N4BP2L2: variants seen among roughly 807,000 people sequenced by gnomAD.
The protein encoded by N4BP2L2 is NEDD4-binding protein 2-like 2.
N4BP2L2 carries 50 observed loss-of-function variants against 56.2 expected under a neutral mutation model. The observed-to-expected ratio is 0.89, with a 90% CI of 0.71 to 1.13. N4BP2L2 has a LOEUF of 1.13. N4BP2L2 is among the 50% of genes most tolerant of loss of function. The pLI, the probability that N4BP2L2 is intolerant of heterozygous loss-of-function variation, is 0.00. For missense variants in N4BP2L2, 689 were observed against 693.8 expected (o/e 0.99, Z 0.08); for synonymous variants, 203 against 223.6 (o/e 0.91, Z 0.82).
At chr13:32,501,854 G>A (rs1489808804) in intron 6 of N4BP2L2, among the ~76,000 whole-genome samples, 2 of 151,686 alleles carry the variant, frequency 1.3e-5, no homozygotes, top group African/African-American at 4.8e-5. Flanking sequence ...AAAAAAAAAG[G>A]AAATATCAAC....
chr13:32,442,753 A>G, exon 7 of N4BP2L2: 1 of 1,613,502 alleles, frequency 6.2e-7, no homozygotes, highest in Non-Finnish European at 8.5e-7. Flanking sequence ...AAAAGAAGGA[A>G]TATAATTTTT....
At chr13:32,508,915 T>C (rs952200045), downstream of N4BP2L2, 1 of 152,186 alleles carries the variant, frequency 6.6e-6, no homozygotes, top group East Asian at 1.9e-4. Context: ...AATTCTTCTG[T>C]AAAGTGTTAA....
At chr13:32,489,853 T>C (rs1340227951) in intron 6 of N4BP2L2, among the ~76,000 whole-genome samples, 1 of 151,866 alleles carries the variant, frequency 6.6e-6, no homozygotes, top group Non-Finnish European at 1.5e-5. Context: ...TACCTACTGC[T>C]CACTAAGAAA....
At chr13:32,438,266 G>C (rs2075751198) in intron 8 of N4BP2L2, among the ~76,000 whole-genome samples, 1 of 152,114 alleles carries the variant, frequency 6.6e-6, no homozygotes, top group Non-Finnish European at 1.5e-5. Context: ...AAAAAAGAAT[G>C]AAATCCTGTC....
chr13:32,501,093 C>T (rs1044561980), intron 6 of N4BP2L2, among the ~76,000 whole-genome samples: 2 of 152,100 alleles, frequency 1.3e-5, no homozygotes, highest in African/African-American at 4.8e-5. Flanking sequence ...GTCTTGAACT[C>T]CCGACCTCAA....
chr13:32,536,880 T>G (rs753440124), exon 2 of N4BP2L2: 7 of 1,613,984 alleles, frequency 4.3e-6, no homozygotes, highest in Admixed American at 1.7e-5. Context: ...TCATTTCCAG[T>G]TTTCTCTTGG....
chr13:32,442,032 C>T (rs758824408), intron 7 of N4BP2L2, among the ~76,000 whole-genome samples: 1 of 152,308 alleles, frequency 6.6e-6, no homozygotes, highest in Admixed American at 6.5e-5. Flanking sequence ...GCCGAGATCA[C>T]GCCACTGCGC....
exon 6 of N4BP2L2, chr13:32,517,111 T>G (rs925775907): frequency 4.1e-6 from 4 of 983,486 alleles, no homozygotes; most frequent in Non-Finnish European, 4.8e-6. Flanking sequence ...TTAGAATCAC[T>G]TTATCCCTTC....
chr13:32,480,110 G>A (rs1302740583), intron 6 of N4BP2L2, among the ~76,000 whole-genome samples: 1 of 152,084 alleles, frequency 6.6e-6, no homozygotes, highest in Non-Finnish European at 1.5e-5. Context: ...CAAAGGGAAG[G>A]CCTTAAAATC....
exon 7 of N4BP2L2, chr13:32,443,934 T>C: frequency 6.3e-7 from 1 of 1,591,192 alleles, no homozygotes; most frequent in Non-Finnish European, 8.6e-7. Context: ...ATTCTGATTC[T>C]CTTCTGGTCT....
chr13:32,435,423 G>A (rs559192113), intron 9 of N4BP2L2, among the ~76,000 whole-genome samples: 3 of 151,978 alleles, frequency 2.0e-5, no homozygotes, highest in South Asian at 2.1e-4. Flanking sequence ...TAGTAGAAAC[G>A]GGGTTTTGCC....
chr13:32,438,631 C>G, intron 8 of N4BP2L2: 2 of 1,535,932 alleles, frequency 1.3e-6, no homozygotes. Context: ...TACATACACA[C>G]ACACACACAC....
At chr13:32,473,303 A>T in intron 6 of N4BP2L2, among the ~76,000 whole-genome samples, 1 of 151,880 alleles carries the variant, frequency 6.6e-6, no homozygotes, top group African/African-American at 2.4e-5. Flanking sequence ...AAAATTAAAT[A>T]TTTATTATAT....
At chr13:32,493,731 C>A (rs1271533413) in intron 6 of N4BP2L2, among the ~76,000 whole-genome samples, 1 of 152,206 alleles carries the variant, frequency 6.6e-6, no homozygotes, top group African/African-American at 2.4e-5. Flanking sequence ...CTTCATATAA[C>A]TGCCTGAGGC....
At chr13:32,444,230 A>G in intron 6 of N4BP2L2, 3 of 825,844 alleles carry the variant, frequency 3.6e-6, no homozygotes, top group Non-Finnish European at 5.1e-6. Flanking sequence ...AACCTTTAGT[A>G]CAAGAGACTC....
chr13:32,442,682 T>C lies in N4BP2L2; in HGVS notation c.1810A>G (p.Thr604Ala), dbSNP rs34762301. The C allele has an allele frequency of 1.4e-4, 234 of 1,613,810 alleles. No individual in the cohort carries two copies. The African/African-American group carries it at 2.7e-3, about 18-fold the overall frequency. Residue 604 changes from threonine to alanine, a missense_variant, in exon 7 of 10, where the codon ACT (threonine) becomes GCT (alanine). Coordinates refer to the N4BP2L2 transcript ENST00000357505. ...CCTACTCTTGTCTGAGATTCGAAAG[T>C]CAAAAACAGTTTCTTGTTTGTAAAA...
intron 5 of N4BP2L2, among the ~76,000 whole-genome samples, chr13:32,520,078 A>T (rs954202713): frequency 6.6e-6 from 1 of 152,168 alleles, no homozygotes; most frequent in Non-Finnish European, 1.5e-5. Context: ...ACAGCATACA[A>T]ATCAGAAAAA....
chr13:32,483,889 C>T (rs1484423751), intron 6 of N4BP2L2, among the ~76,000 whole-genome samples: 1 of 149,716 alleles, frequency 6.7e-6, no homozygotes. Context: ...GAGGCTAAGG[C>T]AGGAGAATCG....
chr13:32,492,946 TCTCA>T (rs1430148453), intron 6 of N4BP2L2, among the ~76,000 whole-genome samples: 1 of 114,756 alleles, frequency 8.7e-6, no homozygotes, highest in East Asian at 2.5e-4. Context: ...TGAGACAGAG[TCTCA>T]CTCACTCTGT....
Sources: gnomAD v4.1 joint callset for allele counts (sites outside exome capture counted in the v4.1 genomes callset) on GRCh38, gnomAD v4.1.1 for gene constraint, MANE v1.5 for transcripts, NCBI Gene and HGNC (gene_info 2026-07-23, HGNC 2026-07-21) for gene names.